Variants in DNAJB6 observed in about 807,000 individuals in gnomAD.
DNAJB6 encodes the protein dnaJ homolog subfamily B member 6.
Under a neutral mutation model 42.7 loss-of-function variants are expected in DNAJB6, and 16 were observed. The observed-to-expected ratio is 0.37, with a 90% confidence interval of 0.25 to 0.57. The LOEUF (loss-of-function observed/expected upper bound fraction) is 0.57, where lower values mean the gene tolerates loss of function less well. Ranked by LOEUF, DNAJB6 falls within the 20% of genes least tolerant of loss-of-function variation. The pLI is 0.74. For missense variants in DNAJB6, 347 were observed against 416.8 expected, an observed-to-expected ratio of 0.83 and a Z score of 1.46; for synonymous variants, 170 against 163.5, an observed-to-expected ratio of 1.04 and a Z score of -0.30.
At chr7:157,378,430 G>A (rs1019180684) in intron 5 of DNAJB6, 8 of 152,262 alleles carry the variant, frequency 5.3e-5, no homozygotes, top group African/African-American at 1.9e-4. Flanking sequence ...CCCAGTTGGA[G>A]CCCCACAGGA....
At chr7:157,346,780 ATCAGCACT>A (rs747531669) in intron 1 of DNAJB6, among the ~76,000 whole-genome samples, 8 of 152,266 alleles carry the variant, frequency 5.3e-5, no homozygotes, top group Non-Finnish European at 8.8e-5. Flanking sequence ...TTGTTGCAGC[ATCAGCACT>A]TCAGCCAGCT....
At chr7:157,392,017 C>T (rs1348668445) in intron 8 of DNAJB6, among the ~76,000 whole-genome samples, 2 of 148,718 alleles carry the variant, frequency 1.3e-5, no homozygotes, top group Non-Finnish European at 3.0e-5. Flanking sequence ...GTGGAAGGAT[C>T]ACTTGAGTCA....
At chr7:157,361,193 A>G (rs1043127892) in intron 2 of DNAJB6, among the ~76,000 whole-genome samples, 33 of 144,914 alleles carry the variant, frequency 2.3e-4, no homozygotes, top group African/African-American at 7.4e-4. Flanking sequence ...GTGTCTCGCT[A>G]TGTCACCCAG....
At position 157,416,645 on chromosome 7, in the gene DNAJB6, A is replaced by G. The variant is rs2116701281; in HGVS notation, c.*547A>G. 6.6e-6 allele frequency: 1 copy of G among 152,570 alleles called. No individual in the cohort carries two copies. The highest frequency in any genetic ancestry group is 1.9e-4 in the East Asian group (1 of 5,192). 9.5% of individuals were successfully genotyped at this position (152,570 alleles called of 1,614,324 possible). On this transcript the variant is annotated 3_prime_UTR_variant, in exon 10 of 10. Transcript: ENST00000262177. ...GGCTGTCGTGAATCACATCAGATGT[A>G]AAATCATTCCTTCTGTTTACTCTTT...
At chr7:157,347,939 G>A (rs1319600141) in intron 1 of DNAJB6, among the ~76,000 whole-genome samples, 1 of 151,652 alleles carries the variant, frequency 6.6e-6, no homozygotes, top group Non-Finnish European at 1.5e-5. Context: ...GGGATTACAG[G>A]TGCACACCAC....
chr7:157,396,268 T>G (rs1801580476), intron 8 of DNAJB6, among the ~76,000 whole-genome samples: 1 of 152,132 alleles, frequency 6.6e-6, no homozygotes, highest in Admixed American at 6.5e-5. Flanking sequence ...TTTTCAAGAT[T>G]TAATGATTAA....
intron 5 of DNAJB6, 148 bp from the exon 6 acceptor site, chr7:157,382,098 C>T: frequency 1.4e-6 from 1 of 722,182 alleles, no homozygotes; most frequent in Non-Finnish European, 2.1e-6. Flanking sequence ...GTTTCAGTTA[C>T]TCTGTAGATA....
At chr7:157,367,289 T>A in intron 4 of DNAJB6, 84 bp from the exon 5 acceptor site, 1 of 918,514 alleles carries the variant, frequency 1.1e-6, no homozygotes. Context: ...AGTTCATGAT[T>A]TGTATAATGT....
intron 5 of DNAJB6, chr7:157,378,664 T>A (rs1800597196): frequency 6.6e-6 from 1 of 152,196 alleles, no homozygotes. Context: ...GCAACTTAGT[T>A]CCACGTTTTG....
intron 1 of DNAJB6, among the ~76,000 whole-genome samples, chr7:157,343,550 ACT>A (rs2116861075): frequency 6.6e-6 from 1 of 151,172 alleles, no homozygotes; most frequent in Non-Finnish European, 1.5e-5. Flanking sequence ...CTCACTGCAA[ACT>A]CTCCCGGGTT....
intron 1 of DNAJB6, among the ~76,000 whole-genome samples, chr7:157,338,306 C>G (rs966176157): frequency 6.6e-6 from 1 of 151,966 alleles, no homozygotes; most frequent in Non-Finnish European, 1.5e-5. Flanking sequence ...CCACCCGTCC[C>G]GCGTTCTCTC....
At chr7:157,346,341 A>T (rs1284964994) in intron 1 of DNAJB6, among the ~76,000 whole-genome samples, 1 of 149,628 alleles carries the variant, frequency 6.7e-6, no homozygotes, top group Non-Finnish European at 1.5e-5. Context: ...AAAAAAAGTT[A>T]AAGATACAAC....
intron 3 of DNAJB6, among the ~76,000 whole-genome samples, chr7:157,364,983 A>T (rs1180036909): frequency 6.6e-6 from 1 of 152,104 alleles, no homozygotes; most frequent in Admixed American, 6.6e-5. Context: ...AAGGGGTCTC[A>T]CTCTGTTGCC....
At chr7:157,353,886 A>G (rs1373546881) in intron 1 of DNAJB6, among the ~76,000 whole-genome samples, 1 of 150,554 alleles carries the variant, frequency 6.6e-6, no homozygotes, top group Non-Finnish European at 1.5e-5. Flanking sequence ...CTGATCTTGA[A>G]CTCCTGGGCT....
At chr7:157,337,892 T>C (rs1798133529) in intron 1 of DNAJB6, 2 of 150,936 alleles carry the variant, frequency 1.3e-5, no homozygotes, top group African/African-American at 4.9e-5. Context: ...TTTTAAAGGA[T>C]GGGTTTGCTA....
intron 2 of DNAJB6, among the ~76,000 whole-genome samples, chr7:157,362,607 C>G (rs1032601354): frequency 1.3e-5 from 2 of 152,084 alleles, no homozygotes; most frequent in African/African-American, 2.4e-5. Flanking sequence ...CTTCTGACCT[C>G]AGGTGATCTG....
chr7:157,340,467 A>G (rs1333556140), intron 1 of DNAJB6, among the ~76,000 whole-genome samples: 2 of 152,108 alleles, frequency 1.3e-5, no homozygotes, highest in African/African-American at 4.8e-5. Context: ...AATATGTTAG[A>G]AACGATGATG....
chr7:157,365,613 G>A (rs1373684010), intron 3 of DNAJB6, among the ~76,000 whole-genome samples: 1 of 152,202 alleles, frequency 6.6e-6, no homozygotes, highest in Non-Finnish European at 1.5e-5. Context: ...AATGTAGCAT[G>A]TCTGGGCTCT....
intron 1 of DNAJB6, among the ~76,000 whole-genome samples, chr7:157,356,924 A>G (rs897392630): frequency 6.6e-6 from 1 of 152,126 alleles, no homozygotes; most frequent in Non-Finnish European, 1.5e-5. Context: ...TCGAATTGAT[A>G]ATGTAGTTTA....
Sources: allele counts gnomAD v4.1 joint callset (sites outside exome capture counted in the v4.1 genomes callset), GRCh38; gene constraint gnomAD v4.1.1; transcripts MANE v1.5; gene names NCBI Gene and HGNC (gene_info 2026-07-23, HGNC 2026-07-21).